ARHGAP22: variants seen among roughly 807,000 people sequenced by gnomAD.
ARHGAP22 encodes Rho GTPase activating protein 22.
A neutral mutation model predicts 59.1 loss-of-function variants in ARHGAP22; 48 were observed. That is an observed-to-expected ratio of 0.81 (90% confidence interval 0.64 to 1.03). The LOEUF (loss-of-function observed/expected upper bound fraction) is 1.03. Ranked by LOEUF, ARHGAP22 falls within the 50% of genes least tolerant of loss-of-function variation. ARHGAP22 has a pLI of 0.00. For missense variants in ARHGAP22, 1,015 were observed against 958.7 expected (o/e 1.06, Z -0.78); for synonymous variants, 445 against 416.4 (o/e 1.07, Z -0.84).
chr10:48,474,012 G>C (rs984653134), intron 4 of ARHGAP22, among the ~76,000 whole-genome samples: 6 of 152,144 alleles, frequency 3.9e-5, no homozygotes, highest in Non-Finnish European at 8.8e-5. Flanking sequence ...CCCTGAACTG[G>C]GCGTGGAAGT....
intron 1 of ARHGAP22, among the ~76,000 whole-genome samples, chr10:48,635,129 C>A (rs1477745259): frequency 6.6e-6 from 1 of 152,110 alleles, no homozygotes; most frequent in Non-Finnish European, 1.5e-5. Flanking sequence ...ATTCCAGCAC[C>A]CATGGGAGGC....
rs1019982519 is a variant in ARHGAP22, at chr10:48,469,310, T to C, written c.452-9419A>G. On this transcript the variant is annotated intron_variant, in intron 4 of 9. Coordinates refer to ENST00000249601, the MANE Select transcript of ARHGAP22 (RefSeq NM_021226.4). Reference sequence around the variant, plus strand: ...CCCACCCCACCTCAGGGGTGGTTTTTAGCTGTGGGGCCTGTTGGGGATGGG... The same window carrying C: ...CCCACCCCACCTCAGGGGTGGTTTTCAGCTGTGGGGCCTGTTGGGGATGGG... 6.6e-5 allele frequency among the ~76,000 whole-genome samples: 10 copies of C among 152,206 alleles called. No homozygotes were observed. In the East Asian group the frequency reaches 1.7e-3, roughly 26 times the overall value.
chr10:48,439,736 A>G, the ARHGAP22 span, among the ~76,000 whole-genome samples: 2 of 152,332 alleles, frequency 1.3e-5, no homozygotes, highest in African/African-American at 4.8e-5. Flanking sequence ...AACTTTTGCC[A>G]TGCTTATTTC....
chr10:48,536,725 A>G (rs1376160976), intron 3 of ARHGAP22, among the ~76,000 whole-genome samples: 1 of 152,244 alleles, frequency 6.6e-6, no homozygotes, highest in East Asian at 1.9e-4. Flanking sequence ...AGAACATGCC[A>G]GAAGGCACTG....
intron 9 of ARHGAP22, 144 bp from the exon 10 acceptor site, chr10:48,446,763 C>T: frequency 1.3e-6 from 1 of 766,182 alleles, no homozygotes; most frequent in Non-Finnish European, 2.1e-6. Context: ...ATCTGCTCCT[C>T]ACAAGAACCC....
rs202025439 is a variant in ARHGAP22, at chr10:48,450,251, A to T, written c.1868+10T>A. 2.8e-3 allele frequency: 4,514 copies of T among 1,607,262 alleles called. 13 individuals carry two copies. Among genetic ancestry groups the T allele is most frequent in the Non-Finnish European group, 3.7e-3 (4,307 of 1,177,482 alleles). On this transcript the variant is annotated intron_variant, in intron 9 of 9. Coordinates refer to ENST00000249601, the MANE Select transcript of ARHGAP22 (RefSeq NM_021226.4). ...CCCGTCACAGGAGGCTCCACGGGGC[A>T]GCAAGTTACCTTTTCACACTCCTCT...
At chr10:48,515,038 A>T (rs1042437224) in intron 3 of ARHGAP22, among the ~76,000 whole-genome samples, 4 of 152,208 alleles carry the variant, frequency 2.6e-5, no homozygotes, top group African/African-American at 9.6e-5. Flanking sequence ...AACAAAAAAG[A>T]TATAACATGT....
At chr10:48,451,725 A>T in intron 8 of ARHGAP22, 1 of 586,270 alleles carries the variant, frequency 1.7e-6, no homozygotes, top group Non-Finnish European at 3.0e-6. Context: ...CCACACACAC[A>T]CACAACTGGA....
At chr10:48,564,590 T>TCATG (rs2057927576) in intron 2 of ARHGAP22, among the ~76,000 whole-genome samples, 1 of 152,204 alleles carries the variant, frequency 6.6e-6, no homozygotes, top group Non-Finnish European at 1.5e-5. Context: ...GTCAGCTAAT[T>TCATG]CATGCAGCAC....
intron 2 of ARHGAP22, among the ~76,000 whole-genome samples, chr10:48,576,191 C>G (rs1194381719): frequency 6.6e-6 from 1 of 152,184 alleles, no homozygotes; most frequent in Non-Finnish European, 1.5e-5. Context: ...AGACACATAG[C>G]ATCCATGGAC....
At chr10:48,481,954 T>A (rs1838398388) in intron 3 of ARHGAP22, among the ~76,000 whole-genome samples, 1 of 152,210 alleles carries the variant, frequency 6.6e-6, no homozygotes, top group Non-Finnish European at 1.5e-5. Context: ...TTAAAATAGA[T>A]TATTTATTTT....
intron 1 of ARHGAP22, among the ~76,000 whole-genome samples, chr10:48,620,848 C>CG (rs1396664281): frequency 7.3e-6 from 1 of 137,108 alleles, no homozygotes; most frequent in Admixed American, 6.8e-5. Context: ...CGTCTCCCCA[C>CG]TCTGGCCAAA....
At chr10:48,524,555 A>G (rs1342082105) in intron 3 of ARHGAP22, among the ~76,000 whole-genome samples, 2 of 152,040 alleles carry the variant, frequency 1.3e-5, no homozygotes, top group South Asian at 2.1e-4. Flanking sequence ...CCCCGCGCAG[A>G]ATGGGAAGAA....
chr10:48,455,247 G>T, intron 5 of ARHGAP22, 113 bp from the exon 6 acceptor site: 1 of 1,272,744 alleles, frequency 7.9e-7, no homozygotes, highest in South Asian at 1.9e-5. Flanking sequence ...GCATTCTTGG[G>T]CGCACTGGGG....
intron 1 of ARHGAP22, among the ~76,000 whole-genome samples, chr10:48,593,645 G>A (rs921851385): frequency 6.6e-6 from 1 of 152,218 alleles, no homozygotes; most frequent in South Asian, 2.1e-4. Context: ...GACAAAGAGA[G>A]GATTCATGTG....
chr10:48,476,607 T>C (rs944296524), intron 4 of ARHGAP22, among the ~76,000 whole-genome samples: 1 of 152,240 alleles, frequency 6.6e-6, no homozygotes, highest in African/African-American at 2.4e-5. Flanking sequence ...GCATTTCCTC[T>C]GTACTCCCGG....
intron 1 of ARHGAP22, among the ~76,000 whole-genome samples, chr10:48,619,253 A>G (rs1001217902): frequency 5.3e-5 from 8 of 152,194 alleles, no homozygotes; most frequent in African/African-American, 1.2e-4. Context: ...TAATATTGTG[A>G]AAATGACAAT....
chr10:48,605,175 G>C (rs2060616865), upstream of ARHGAP22: 1 of 1,127,700 alleles, frequency 8.9e-7, no homozygotes, highest in Non-Finnish European at 1.1e-6. Context: ...GGGCCAGCCA[G>C]AGACGCGGGG....
rs114361844 is a variant in ARHGAP22, at chr10:48,499,879, T to G, written c.323-20115A>C. Among the ~76,000 whole-genome samples, 1,519 of 152,352 alleles carry G rather than the reference T, an allele frequency of 1.0e-2. 26 individuals are homozygous for G. Among genetic ancestry groups the G allele is most frequent in the African/African-American group, 0.035 (1,437 of 41,574 alleles). On this transcript the variant is annotated intron_variant, in intron 3 of 9. Coordinates refer to ENST00000249601, the MANE Select transcript of ARHGAP22 (RefSeq NM_021226.4). ...GAAAATAGAGATGCCAGCAGCATAATAGAGATGCCAATTCTCTCTAATTTG... is the reference window on the plus strand; with the variant it reads ...GAAAATAGAGATGCCAGCAGCATAAGAGAGATGCCAATTCTCTCTAATTTG...
Sources: gnomAD v4.1 joint callset for allele counts (sites outside exome capture counted in the v4.1 genomes callset) on GRCh38, gnomAD v4.1.1 for gene constraint, MANE v1.5 for transcripts, NCBI Gene and HGNC (gene_info 2026-07-23, HGNC 2026-07-21) for gene names.